ZC2HC1A: variants seen among roughly 807,000 people sequenced by gnomAD.
The protein encoded by ZC2HC1A is zinc finger C2HC domain-containing protein 1A.
A neutral mutation model predicts 40.7 loss-of-function variants in ZC2HC1A; 28 were observed. The ratio of observed to expected loss-of-function variants is 0.69; its 90% CI spans 0.51 to 0.94. ZC2HC1A has a LOEUF of 0.94. ZC2HC1A is among the 40% of genes least tolerant of loss of function. ZC2HC1A has a pLI of 0.00. For synonymous variants in ZC2HC1A, 129 were observed against 129.2 expected, an observed-to-expected ratio of 1.00 and a Z score of 0.01; for missense variants, 389 against 386.3, an observed-to-expected ratio of 1.01 and a Z score of -0.06.
chr8:78,713,602 T>G (rs1034966990), intron 7 of ZC2HC1A, among the ~76,000 whole-genome samples: 1 of 152,204 alleles, frequency 6.6e-6, no homozygotes, highest in East Asian at 1.9e-4. Context: ...GTAAACCTCA[T>G]GAATGGACTT....
rs5892663 is a variant in ZC2HC1A at position 78,717,503 on chromosome 8, C to CAAAA, written c.*21_*24dup. The CAAAA allele has an allele frequency of 2.2e-5, 28 of 1,257,728 alleles. No homozygotes were observed. The highest frequency in any genetic ancestry group is 8.2e-5 in the South Asian group (4 of 49,042). The allele number at this position is 1,257,728 out of a possible 1,614,324, so 77.9% of individuals were successfully genotyped here. A position where few individuals can be genotyped will look rare whatever the true frequency, so the allele number is the denominator to read the frequency against. On this transcript the variant is annotated 3_prime_UTR_variant, in exon 9 of 9. Coordinates refer to ENST00000263849, the MANE Select transcript of ZC2HC1A (RefSeq NM_016010.3). The stretch of plus-strand genomic sequence containing the variant: ...AAGAATGATTCTATGAATAGAATCT[C>CAAAA]AAAAAAAAAAAAAAGCCAAGTTCAG...
At chr8:78,676,406 A>G (rs985406981) in intron 2 of ZC2HC1A, among the ~76,000 whole-genome samples, 3 of 152,028 alleles carry the variant, frequency 2.0e-5, no homozygotes, top group Non-Finnish European at 4.4e-5. Flanking sequence ...CATTCTTAAG[A>G]TATGTTAGCT....
intron 7 of ZC2HC1A, among the ~76,000 whole-genome samples, chr8:78,714,605 A>G (rs545290327): frequency 2.0e-5 from 3 of 152,158 alleles, no homozygotes; most frequent in African/African-American, 4.8e-5. Context: ...TTAGTTTTCT[A>G]ACCCTTCTTT....
chr8:78,709,864 T>A (rs1184364413), intron 7 of ZC2HC1A, among the ~76,000 whole-genome samples: 2 of 152,174 alleles, frequency 1.3e-5, no homozygotes, highest in Admixed American at 1.3e-4. Flanking sequence ...AACAGAGGTG[T>A]GCAAAGATAC....
At chr8:78,686,888 G>A (rs922366820) in intron 4 of ZC2HC1A, among the ~76,000 whole-genome samples, 1 of 152,076 alleles carries the variant, frequency 6.6e-6, no homozygotes, top group Non-Finnish European at 1.5e-5. Context: ...TTAAATGTGA[G>A]TATTCCAGGA....
intron 1 of ZC2HC1A, among the ~76,000 whole-genome samples, chr8:78,673,394 A>G (rs1483433197): frequency 6.6e-6 from 1 of 152,124 alleles, no homozygotes; most frequent in Non-Finnish European, 1.5e-5. Context: ...ATGTGTCTTT[A>G]TAGTAGAATG....
intron 7 of ZC2HC1A, among the ~76,000 whole-genome samples, chr8:78,707,579 A>G (rs1167560703): frequency 6.6e-6 from 1 of 152,204 alleles, no homozygotes; most frequent in Non-Finnish European, 1.5e-5. Context: ...TAATTTTGTC[A>G]GTTGTGCATT....
Position 78,717,776 on chromosome 8 carries a change from C to G in ZC2HC1A, c.*283C>G, listed in dbSNP as rs1166926131. ...AATGGAACAATTAATTTAGGTGTTA[C>G]TTTTCTGTTGTTGTTAAAGCACGTT... is the stretch of plus-strand genomic sequence containing the variant. On this transcript the variant is annotated 3_prime_UTR_variant, in exon 9 of 9. Coordinates refer to ENST00000263849, the MANE Select transcript of ZC2HC1A (RefSeq NM_016010.3). 4.7e-6 allele frequency: 1 copy of G among 212,242 alleles called. No homozygotes were observed. Among genetic ancestry groups the G allele is most frequent in the South Asian group, 1.3e-4 (1 of 7,664 alleles). 13.1% of individuals were successfully genotyped at this position (212,242 alleles called of 1,614,324 possible). A position where few individuals can be genotyped will look rare whatever the true frequency, so the allele number is the denominator to read the frequency against.
intron 7 of ZC2HC1A, among the ~76,000 whole-genome samples, chr8:78,706,390 C>T (rs1810771708): frequency 6.6e-6 from 1 of 152,104 alleles, no homozygotes; most frequent in Non-Finnish European, 1.5e-5. Flanking sequence ...TTTGCCTGTG[C>T]CGGAGCAGCT....
intron 5 of ZC2HC1A, among the ~76,000 whole-genome samples, chr8:78,692,756 A>G (rs1211099141): frequency 1.3e-5 from 2 of 151,946 alleles, no homozygotes; most frequent in Non-Finnish European, 1.5e-5. Flanking sequence ...AGTATACTTT[A>G]GTTTTAGGGT....
At position 78,718,863 on chromosome 8, in the gene ZC2HC1A, T is replaced by C. The variant is rs1243431860; in HGVS notation, c.*1370T>C. ...AGGTACAAACAAATCTCTTATATAA[T>C]TCCTAGCTTTTTTTTTTGTTTATGA... On this transcript the variant is annotated 3_prime_UTR_variant, in exon 9 of 9. Coordinates refer to ENST00000263849, the MANE Select transcript of ZC2HC1A (RefSeq NM_016010.3). 2 of 151,818 alleles carry C rather than the reference T, an allele frequency of 1.3e-5. No homozygotes were observed. Among genetic ancestry groups the C allele is most frequent in the Non-Finnish European group, 3.0e-5 (2 of 67,640 alleles). The allele number at this position is 151,818 out of a possible 1,614,324, so 9.4% of individuals were successfully genotyped here.
At chr8:78,671,953 T>C (rs1809447037) in intron 1 of ZC2HC1A, among the ~76,000 whole-genome samples, 1 of 152,164 alleles carries the variant, frequency 6.6e-6, no homozygotes, top group East Asian at 1.9e-4. Context: ...ACGTTACAGA[T>C]AAAAAGGGAC....
chr8:78,711,855 T>G (rs1379519650), intron 7 of ZC2HC1A: 6 of 438,556 alleles, frequency 1.4e-5, no homozygotes, highest in African/African-American at 1.2e-4. Flanking sequence ...CATTAGTTCT[T>G]ACCTTGACAG....
intron 7 of ZC2HC1A, chr8:78,711,896 T>C: frequency 4.5e-6 from 3 of 665,102 alleles, no homozygotes; most frequent in Non-Finnish European, 6.9e-6. Context: ...GGGGAGTAGA[T>C]ATCTGATGAA....
intron 1 of ZC2HC1A, among the ~76,000 whole-genome samples, chr8:78,668,179 T>G (rs992952373): frequency 9.2e-5 from 14 of 152,042 alleles, no homozygotes; most frequent in African/African-American, 3.4e-4. Flanking sequence ...CTCCCTCCCC[T>G]AAGAGATCAC....
At position 78,716,191 on chromosome 8, in the gene ZC2HC1A, C is replaced by T. The variant is rs191270067; in HGVS notation, c.812+863C>T. On this transcript the variant is annotated intron_variant, in intron 8 of 8. Transcript: ENST00000263849. Reference sequence around the variant, plus strand: ...AGGCTGGAGTGCAGTGGCGCAATCTCGGCTCACTGCAAGCTGTGCCTCCCA... The same window carrying T: ...AGGCTGGAGTGCAGTGGCGCAATCTTGGCTCACTGCAAGCTGTGCCTCCCA... Among the ~76,000 whole-genome samples the T allele has an allele frequency of 5.6e-3, 846 of 151,308 alleles. 8 individuals are homozygous for T. The highest frequency in any genetic ancestry group is 0.019 in the African/African-American group (796 of 41,284).
At chr8:78,682,825 A>G (rs1809832668) in intron 3 of ZC2HC1A, among the ~76,000 whole-genome samples, 1 of 152,194 alleles carries the variant, frequency 6.6e-6, no homozygotes, top group Non-Finnish European at 1.5e-5. Context: ...AAAATCAAAA[A>G]CAAGTTAGTT....
Position 78,717,359 on chromosome 8 carries a change from G to A in ZC2HC1A, c.844G>A (p.Gly282Ser), listed in dbSNP as rs1391416856. The A allele has an allele frequency of 1.2e-6, 2 of 1,611,620 alleles. No homozygotes were observed. The highest frequency in any genetic ancestry group is 1.7e-5 in the Admixed American group (1 of 59,484). The part of the protein sequence containing the change: ...PDGDCASSLN[G>S]GNIKGIEGHS... ...TGGGGACTGTGCATCTTCCCTTAAT[G>A]GTGGAAATATTAAAGGCATTGAAGG... Residue 282 changes from glycine to serine, a missense_variant, in exon 9 of 9, where the codon GGT becomes AGT. By Grantham distance (56) the Gly-to-Ser change is moderately conservative. Coordinates refer to ENST00000263849, the MANE Select transcript of ZC2HC1A (RefSeq NM_016010.3).
At chr8:78,705,169 T>C (rs1026707727) in intron 7 of ZC2HC1A, among the ~76,000 whole-genome samples, 1 of 152,252 alleles carries the variant, frequency 6.6e-6, no homozygotes, top group Non-Finnish European at 1.5e-5. Context: ...GGAGAGGTGA[T>C]GCGGTCACTT....
Sources: gnomAD v4.1 joint callset for allele counts (sites outside exome capture counted in the v4.1 genomes callset) on GRCh38, gnomAD v4.1.1 for gene constraint, MANE v1.5 for transcripts, NCBI Gene and HGNC (gene_info 2026-07-23, HGNC 2026-07-21) for gene names.